The following CRLF2 variants were observed in gnomAD, a reference collection of about 807,000 sequenced individuals.
CRLF2 encodes cytokine receptor-like factor 2.
A neutral mutation model predicts 38.7 loss-of-function variants in CRLF2; 41 were observed. That is an observed-to-expected ratio of 1.06 (90% confidence interval 0.83 to 1.37). The LOEUF is 1.37. Among genes scored for constraint, CRLF2 ranks in the 40% most tolerant of loss-of-function variants. The pLI is 0.00. For missense variants in CRLF2, 377 were observed against 322.2 expected, an observed-to-expected ratio of 1.17 and a Z score of -1.30; for synonymous variants, 140 against 128.8, an observed-to-expected ratio of 1.09 and a Z score of -0.59.
Position 1,190,859 on chromosome X carries a change from C to T in CRLF2, c.*38G>A, listed in dbSNP as rs1354504861. On this transcript the variant is annotated 3_prime_UTR_variant, in exon 8 of 8. Transcript: ENST00000400841. ...AGTCCCCTCTGTCTTTAAATGTCAACGTGGATCCTGACGTTGACTTTGACA... is the reference window on the plus strand; with the variant it reads ...AGTCCCCTCTGTCTTTAAATGTCAATGTGGATCCTGACGTTGACTTTGACA... 4.8e-5 allele frequency: 19 copies of T among 398,646 alleles called. No homozygotes were observed. Among genetic ancestry groups the T allele is most frequent in the African/African-American group, 2.3e-4 (11 of 48,758 alleles). The allele number at this position is 398,646 out of a possible 1,614,324, so 24.7% of individuals were successfully genotyped here.
chrX:1,208,011 C>T (rs2086723133), intron 2 of CRLF2, among the ~76,000 whole-genome samples: 4 of 152,108 alleles, frequency 2.6e-5, no homozygotes, highest in African/African-American at 9.7e-5. Flanking sequence ...AATCATCCAC[C>T]CATGATTAAA....
At position 1,196,987 on chromosome X, in the gene CRLF2, C is replaced by G. The variant is rs767383062; in HGVS notation, c.647-87G>C. ...ACGTGATGTTACATCTCATCCCTAA[C>G]CAGTCTCCCTCATTTTTTGGTGTTC... On this transcript the variant is annotated intron_variant, in intron 5 of 7. Transcript: ENST00000400841. 1.4e-4 allele frequency: 157 copies of G among 1,127,816 alleles called. 1 individual carries two copies. In the East Asian group the frequency reaches 4.1e-3, roughly 30 times the overall value. The allele number at this position is 1,127,816 out of a possible 1,614,324, so 69.9% of individuals were successfully genotyped here.
intron 4 of CRLF2, among the ~76,000 whole-genome samples, chrX:1,199,464 C>T (rs1439936121): frequency 2.0e-5 from 3 of 151,944 alleles, no homozygotes; most frequent in Non-Finnish European, 2.9e-5. Flanking sequence ...CCATGCTTGG[C>T]TAATTTTTGT....
intron 1 of CRLF2, among the ~76,000 whole-genome samples, chrX:1,210,053 G>A (rs1246789101): frequency 2.0e-5 from 3 of 148,844 alleles, no homozygotes; most frequent in Non-Finnish European, 3.0e-5. Flanking sequence ...GTAGTGAACC[G>A]AGATCGTGTC....
chrX:1,198,643 C>A lies in CRLF2; in HGVS notation c.565G>T (p.Ala189Ser), dbSNP rs2086542864. The change falls in exon 5 of 8, where the codon GCT becomes TCT. Residue 189 changes from alanine to serine, a missense_variant. By Grantham distance (99) the Ala-to-Ser change is moderately conservative (BLOSUM62 1). Coordinates refer to ENST00000400841, the MANE Select transcript of CRLF2 (RefSeq NM_022148.4). ...KCYSFWVRVK[A>S]MEDVYGPDTY... ...TCTGGCCCATATACATCCTCCATAG[C>A]CTTCACCCTGACCCAGAAAGAGTAA... is the stretch of plus-strand genomic sequence containing the variant. 4.3e-6 allele frequency: 7 copies of A among 1,613,466 alleles called. No individual in the cohort carries two copies. The highest frequency in any genetic ancestry group is 1.3e-5 in the African/African-American group (1 of 74,870).
chrX:1,211,357 G>GTGGATGGGTGGATGGA (rs1556426307), intron 1 of CRLF2, among the ~76,000 whole-genome samples: 1 of 46,532 alleles, frequency 2.1e-5, no homozygotes, highest in Non-Finnish European at 4.1e-5. Context: ...GGGTGGATGG[G>GTGGATGGGTGGATGGA]TGGATGGATG....
chrX:1,209,294 T>TTGTATTGTAG (rs1556425210), intron 1 of CRLF2, among the ~76,000 whole-genome samples: 37 of 142,404 alleles, frequency 2.6e-4, no homozygotes, highest in African/African-American at 8.9e-4. Flanking sequence ...TTGCATTGTA[T>TTGTATTGTAG]TGTAGTGTAG....
At chrX:1,202,836 A>C (rs1466605117) in intron 3 of CRLF2, among the ~76,000 whole-genome samples, 1 of 152,084 alleles carries the variant, frequency 6.6e-6, no homozygotes, top group Non-Finnish European at 1.5e-5. Flanking sequence ...AGAAACTCAG[A>C]ATGGAACTGT....
At chrX:1,212,418 G>GAAA (rs369256719) in intron 1 of CRLF2, 138 bp downstream of exon 1, 9,742 of 424,388 alleles carry the variant, frequency 0.023, 188 homozygotes, top group African/African-American at 0.094. Flanking sequence ...CTTGAACCCG[G>GAAA]AAAAAAAAAA....
At chrX:1,191,345 C>CTAT (rs1170193719) in intron 7 of CRLF2, among the ~76,000 whole-genome samples, 185 bp from the exon 8 acceptor site, 1 of 111,094 alleles carries the variant, frequency 9.0e-6, no homozygotes, top group Admixed American at 9.8e-5. Context: ...TTCTTTCTTT[C>CTAT]CTTCTTTCTT....
At chrX:1,191,261 C>G (rs2086367637) in intron 7 of CRLF2, 101 bp from the exon 8 acceptor site, 1 of 398,422 alleles carries the variant, frequency 2.5e-6, no homozygotes, top group East Asian at 3.6e-5. Flanking sequence ...CCCTGGACAT[C>G]TTTCTCTTTC....
At chrX:1,212,418 GAAAAAAAAA>G (rs369256719) in intron 1 of CRLF2, 129 bp downstream of exon 1, 10 of 430,880 alleles carry the variant, frequency 2.3e-5, no homozygotes, top group African/African-American at 2.1e-4. Context: ...CTTGAACCCG[GAAAAAAAAA>G]AAAAAAAAAA....
At chrX:1,193,395 G>C (rs2147821304) in intron 6 of CRLF2, 93 bp from the exon 7 acceptor site, 2 of 397,874 alleles carry the variant, frequency 5.0e-6, no homozygotes, top group East Asian at 7.1e-5. Context: ...CCCAGGGACA[G>C]ACCAAGAATG....
At chrX:1,202,653 C>T (rs2086628987) in intron 3 of CRLF2, 118 bp from the exon 4 acceptor site, 8 of 1,166,752 alleles carry the variant, frequency 6.9e-6, no homozygotes, top group South Asian at 2.6e-5. Context: ...TATGGTGTCT[C>T]GGGGTTCACC....
intron 7 of CRLF2, among the ~76,000 whole-genome samples, chrX:1,191,693 G>A (rs1228293228): frequency 1.3e-5 from 2 of 151,586 alleles, no homozygotes; most frequent in African/African-American, 4.8e-5. Flanking sequence ...CACCACACAC[G>A]GCTAATTTTG....
chrX:1,192,146 A>T (rs1478650400), intron 7 of CRLF2, among the ~76,000 whole-genome samples: 20 of 143,192 alleles, frequency 1.4e-4, no homozygotes, highest in African/African-American at 4.2e-4. Flanking sequence ...TGGAGCTTGC[A>T]GTGAGCCGAG....
chrX:1,206,342 G>A lies in CRLF2; in HGVS notation c.349+91C>T, dbSNP rs1441575772. ...AATAGTTAACGGTAATCATGGATCC[G>A]GCGATTTGCATGAGCTTGGTTTTCA... On this transcript the variant is annotated intron_variant, in intron 3 of 7. Coordinates refer to ENST00000400841, the MANE Select transcript of CRLF2 (RefSeq NM_022148.4). The A allele has an allele frequency of 4.7e-5, 53 of 1,130,764 alleles. No homozygotes were observed. The East Asian group carries it at 1.1e-3, about 23-fold the overall frequency. The allele number at this position is 1,130,764 out of a possible 1,614,324, so 70.0% of individuals were successfully genotyped here. A position where few individuals can be genotyped will look rare whatever the true frequency, so the allele number is the denominator to read the frequency against.
intron 4 of CRLF2, chrX:1,199,003 G>C: frequency 2.1e-6 from 1 of 475,102 alleles, no homozygotes; most frequent in Non-Finnish European, 3.9e-6. Context: ...ACAAAAATTA[G>C]CCAGGCGTGG....
At chrX:1,203,310 C>T (rs2086641299) in intron 3 of CRLF2, among the ~76,000 whole-genome samples, 1 of 150,910 alleles carries the variant, frequency 6.6e-6, no homozygotes, top group African/African-American at 2.4e-5. Context: ...GGGCCACAAG[C>T]CCAGGGATGC....
Sources: allele counts gnomAD v4.1 joint callset (sites outside exome capture counted in the v4.1 genomes callset), GRCh38; gene constraint gnomAD v4.1.1; transcripts MANE v1.5; gene names NCBI Gene and HGNC (gene_info 2026-07-23, HGNC 2026-07-21).